Variants in ZFAND3 observed in about 807,000 individuals in gnomAD.
ZFAND3 encodes the protein zinc finger AN1-type containing 3.
A neutral mutation model predicts 29.6 loss-of-function variants in ZFAND3; 10 were observed. The ratio of observed to expected loss-of-function variants is 0.34; its 90% CI spans 0.21 to 0.57. ZFAND3 has a LOEUF of 0.57. Among genes scored for constraint, ZFAND3 ranks in the 20% least tolerant of loss-of-function variants. The pLI, the probability that ZFAND3 is intolerant of heterozygous loss-of-function variation, is 0.86. For synonymous variants in ZFAND3, 128 were observed against 112.6 expected, an observed-to-expected ratio of 1.14 and a Z score of -0.87; for missense variants, 230 against 304.5, an observed-to-expected ratio of 0.76 and a Z score of 1.82.
At chr6:38,035,879 A>G (rs906203680) in intron 2 of ZFAND3, among the ~76,000 whole-genome samples, 1 of 152,236 alleles carries the variant, frequency 6.6e-6, no homozygotes, top group East Asian at 1.9e-4. Context: ...GTCTCTGGAA[A>G]TTGTCCTAAG....
At chr6:38,014,893 T>C (rs1466221933) in intron 2 of ZFAND3, among the ~76,000 whole-genome samples, 1 of 152,248 alleles carries the variant, frequency 6.6e-6, no homozygotes, top group African/African-American at 2.4e-5. Flanking sequence ...CACAAAATAC[T>C]GTTTCCATTA....
At chr6:37,862,071 G>T (rs1296686426) in intron 1 of ZFAND3, among the ~76,000 whole-genome samples, 3 of 152,018 alleles carry the variant, frequency 2.0e-5, no homozygotes, top group African/African-American at 7.2e-5. Context: ...AATAGCCTAA[G>T]AAAATTTTAT....
chr6:38,109,537 C>T (rs1383341852), intron 4 of ZFAND3, among the ~76,000 whole-genome samples: 1 of 152,000 alleles, frequency 6.6e-6, no homozygotes, highest in Admixed American at 6.6e-5. Flanking sequence ...TCCCCCATGG[C>T]CCATTAGCTT....
rs182727321 is a variant in ZFAND3, at chr6:37,819,847, C to T, written c.-99C>T. 7,639 of 846,040 alleles carry T rather than the reference C, an allele frequency of 9.0e-3. 727 individuals carry two copies. The East Asian group carries it at 0.25, about 28-fold the overall frequency. 52.4% of individuals were successfully genotyped at this position (846,040 alleles called of 1,614,324 possible). ...CCGCTCCTTCCCCCTCCCCCCGCCCCGAGCCCCCCGACGCCGCCGCCACCG... is the reference window on the plus strand; with the variant it reads ...CCGCTCCTTCCCCCTCCCCCCGCCCTGAGCCCCCCGACGCCGCCGCCACCG... On this transcript the variant is annotated 5_prime_UTR_variant, in exon 1 of 6. Coordinates refer to ENST00000287218, the MANE Select transcript of ZFAND3 (RefSeq NM_021943.3).
At chr6:37,969,026 C>A (rs188125438) in intron 2 of ZFAND3, among the ~76,000 whole-genome samples, 49 of 152,306 alleles carry the variant, frequency 3.2e-4, no homozygotes, top group African/African-American at 1.1e-3. Flanking sequence ...GCCTACTACA[C>A]ACCTAGGCTA....
At chr6:38,053,243 A>T (rs1021299733) in intron 2 of ZFAND3, among the ~76,000 whole-genome samples, 4 of 151,832 alleles carry the variant, frequency 2.6e-5, no homozygotes, top group Admixed American at 6.6e-5. Context: ...TGTGAAGGCA[A>T]TGAGAGACCA....
intron 4 of ZFAND3, among the ~76,000 whole-genome samples, chr6:38,090,786 ATAAT>A (rs1764851817): frequency 6.6e-6 from 1 of 152,206 alleles, no homozygotes; most frequent in South Asian, 2.1e-4. Flanking sequence ...AAATATACTA[ATAAT>A]TAGATGATTT....
chr6:38,086,422 G>A (rs1030451733), intron 4 of ZFAND3, among the ~76,000 whole-genome samples: 2 of 152,134 alleles, frequency 1.3e-5, no homozygotes, highest in African/African-American at 4.8e-5. Flanking sequence ...GTACTGCCAA[G>A]TCCTAGGTTG....
At chr6:37,942,517 C>A (rs1761829476) in intron 2 of ZFAND3, among the ~76,000 whole-genome samples, 1 of 151,962 alleles carries the variant, frequency 6.6e-6, no homozygotes, top group East Asian at 1.9e-4. Flanking sequence ...GATATGTCAG[C>A]CTCTTTTTAT....
intron 1 of ZFAND3, among the ~76,000 whole-genome samples, chr6:37,863,083 T>C (rs1764523374): frequency 6.6e-6 from 1 of 152,182 alleles, no homozygotes; most frequent in Non-Finnish European, 1.5e-5. Context: ...GGAGATACTG[T>C]AACCTTCCTA....
At chr6:38,069,709 C>A (rs1419860511) in intron 3 of ZFAND3, among the ~76,000 whole-genome samples, 1 of 152,178 alleles carries the variant, frequency 6.6e-6, no homozygotes, top group Non-Finnish European at 1.5e-5. Context: ...TTAAGTTAAT[C>A]TCTGTCAAAA....
At chr6:38,090,810 T>C (rs936411426) in intron 4 of ZFAND3, among the ~76,000 whole-genome samples, 1 of 152,188 alleles carries the variant, frequency 6.6e-6, no homozygotes, top group Non-Finnish European at 1.5e-5. Context: ...TGATACTCAA[T>C]ATGTAAATAA....
chr6:37,913,877 AT>A (rs1347439475), intron 1 of ZFAND3, among the ~76,000 whole-genome samples: 1 of 151,290 alleles, frequency 6.6e-6, no homozygotes, highest in Non-Finnish European at 1.5e-5. Context: ...TGCCTGGCTA[AT>A]TTTTTTTATT....
Position 37,891,605 on chromosome 6 carries a change from A to C in ZFAND3, c.72-38354A>C, listed in dbSNP as rs532722827. On this transcript the variant is annotated intron_variant, in intron 1 of 5. Coordinates refer to ENST00000287218, the MANE Select transcript of ZFAND3 (RefSeq NM_021943.3). The stretch of plus-strand genomic sequence containing the variant: ...CTAAATAAATAAATAATAAATAAAT[A>C]AATAAATCATAGAACAACTAGACAG... Among the ~76,000 whole-genome samples the C allele has an allele frequency of 3.1e-3, 469 of 152,078 alleles. 3 individuals are homozygous for C. Among genetic ancestry groups the C allele is most frequent in the African/African-American group, 0.011 (445 of 41,462 alleles).
intron 1 of ZFAND3, among the ~76,000 whole-genome samples, chr6:37,868,240 A>T (rs1172393961): frequency 1.3e-5 from 2 of 152,186 alleles, no homozygotes; most frequent in Non-Finnish European, 2.9e-5. Context: ...CCTGCCCTGT[A>T]GGAGTGATAG....
intron 2 of ZFAND3, among the ~76,000 whole-genome samples, chr6:37,963,128 C>T (rs551230377): frequency 1.3e-5 from 2 of 152,314 alleles, no homozygotes; most frequent in East Asian, 1.9e-4. Flanking sequence ...CTGCGAGGGT[C>T]CGCAGCTTCA....
Position 38,136,051 on chromosome 6 carries a change from G to A in ZFAND3, c.530-16184G>A, listed in dbSNP as rs145349278. Among the ~76,000 whole-genome samples the A allele has an allele frequency of 9.9e-5, 15 of 152,280 alleles. No individual in the cohort carries two copies. In the East Asian group the frequency reaches 1.7e-3, roughly 18 times the overall value. On this transcript the variant is annotated intron_variant, in intron 5 of 5. Coordinates refer to ENST00000287218, the MANE Select transcript of ZFAND3 (RefSeq NM_021943.3). ...ACTAGAAATGTCTGGAAATGGAGGC[G>A]GGGCAAAAATGGAGGTGTGATGGTG... is the stretch of plus-strand genomic sequence containing the variant.
intron 2 of ZFAND3, among the ~76,000 whole-genome samples, chr6:37,970,730 C>T (rs1441575687): frequency 7.3e-6 from 1 of 137,726 alleles, no homozygotes; most frequent in Non-Finnish European, 1.6e-5. Flanking sequence ...GGTGAAACCC[C>T]GTCTCTACTA....
At chr6:38,117,580 T>A (rs1355973074) in intron 5 of ZFAND3, among the ~76,000 whole-genome samples, 4 of 152,246 alleles carry the variant, frequency 2.6e-5, no homozygotes, top group Admixed American at 2.6e-4. Flanking sequence ...TTTTAAAACC[T>A]AATATTATAA....
Sources: gnomAD v4.1 joint callset for allele counts (sites outside exome capture counted in the v4.1 genomes callset) on GRCh38, gnomAD v4.1.1 for gene constraint, MANE v1.5 for transcripts, NCBI Gene and HGNC (gene_info 2026-07-23, HGNC 2026-07-21) for gene names.